TMPO: variants seen among roughly 807,000 people sequenced by gnomAD.
TMPO encodes LEM domain containing 4.
Under a neutral mutation model 45.4 loss-of-function variants are expected in TMPO, and 22 were observed. The ratio of observed to expected loss-of-function variants is 0.48; its 90% CI spans 0.35 to 0.69. TMPO has a LOEUF of 0.69. Among genes scored for constraint, TMPO ranks in the 30% least tolerant of loss-of-function variants. The pLI is 0.01. For synonymous variants in TMPO, 241 were observed against 204.1 expected, an observed-to-expected ratio of 1.18 and a Z score of -1.54; for missense variants, 512 against 548.8, an observed-to-expected ratio of 0.93 and a Z score of 0.67.
chr12:98,516,388 G>A (rs773754340), intron 1 of TMPO: 7 of 1,195,738 alleles, frequency 5.9e-6, no homozygotes, highest in Non-Finnish European at 6.2e-6. Context: ...GTGGAGTTGC[G>A]TTGGCGGCGG....
intron 4 of TMPO, 37 bp downstream of exon 4, chr12:98,537,609 A>T (rs1444378647): frequency 2.0e-6 from 3 of 1,480,802 alleles, no homozygotes; most frequent in Non-Finnish European, 2.8e-6. Flanking sequence ...TACAGGTATA[A>T]ATAACCTCCT....
chr12:98,520,997 G>A (rs190007512), intron 1 of TMPO, among the ~76,000 whole-genome samples: 1 of 151,992 alleles, frequency 6.6e-6, no homozygotes, highest in Non-Finnish European at 1.5e-5. Flanking sequence ...GCAGATAAGG[G>A]AGATTTTTAA....
chr12:98,547,222 C>T (rs112903416), intron 8 of TMPO, among the ~76,000 whole-genome samples: 2,663 of 152,062 alleles, frequency 0.018, 73 homozygotes, highest in African/African-American at 0.059. Flanking sequence ...ATTACAGGCA[C>T]CCACCATCAT....
intron 1 of TMPO, among the ~76,000 whole-genome samples, chr12:98,525,431 C>T (rs1026075954): frequency 4.6e-5 from 7 of 152,114 alleles, no homozygotes; most frequent in Non-Finnish European, 8.8e-5. Context: ...AAGAATTTCT[C>T]ATATCTTGCT....
At chr12:98,545,374 T>C (rs1592956741) in intron 7 of TMPO, among the ~76,000 whole-genome samples, 1 of 152,142 alleles carries the variant, frequency 6.6e-6, no homozygotes, top group East Asian at 1.9e-4. Context: ...AGTTTGAAAG[T>C]GCTGCTGGGC....
intron 1 of TMPO, among the ~76,000 whole-genome samples, chr12:98,526,107 A>T (rs931352583): frequency 6.6e-6 from 1 of 152,208 alleles, no homozygotes; most frequent in Non-Finnish European, 1.5e-5. Context: ...GTAGAAATTA[A>T]TTTTAAAACT....
At chr12:98,528,699 C>G (rs1219889260) in intron 2 of TMPO, among the ~76,000 whole-genome samples, 1 of 151,794 alleles carries the variant, frequency 6.6e-6, no homozygotes, top group Admixed American at 6.6e-5. Context: ...TAGCTCACAC[C>G]TGTAATCCCA....
chr12:98,540,593 G>A (rs1349517993), intron 4 of TMPO, among the ~76,000 whole-genome samples: 2 of 152,146 alleles, frequency 1.3e-5, no homozygotes, highest in Admixed American at 1.3e-4. Context: ...GGTCAGGCAG[G>A]TCTCGAACTC....
chr12:98,516,421 C>T (rs969994029), intron 1 of TMPO: 3 of 1,174,030 alleles, frequency 2.6e-6, no homozygotes, highest in Non-Finnish European at 2.1e-6. Flanking sequence ...CAGTCGACGC[C>T]GCTTCCCTGG....
In TMPO at chr12:98,516,059, C is replaced by T. The variant is rs769376447; in HGVS notation, c.192C>T (p.Asp64=). The T allele has an allele frequency of 5.5e-5, 88 of 1,610,012 alleles. 3 individuals carry two copies. The South Asian group carries it at 9.7e-4, about 18-fold the overall frequency. Residue 64 remains aspartate, a synonymous_variant, in exon 1 of 9, where the codon GAC becomes GAT. Coordinates refer to ENST00000556029, the MANE Select transcript of TMPO (RefSeq NM_001032283.3). ...GCACCAACAGCAAGGGGCCCCCGGACTTCTCCAGTGACGAAGAGCGCGAGC... is the reference window on the plus strand; with the variant it reads ...GCACCAACAGCAAGGGGCCCCCGGATTTCTCCAGTGACGAAGAGCGCGAGC... ...PAGTNSKGPP[D]FSSDEEREPT...
chr12:98,537,486 G>A lies in TMPO; in HGVS notation c.577G>A (p.Glu193Lys). 6.2e-7 allele frequency: 1 copy of A among 1,612,672 alleles called. No individual in the cohort carries two copies. Among genetic ancestry groups the A allele is most frequent in the Non-Finnish European group, 8.5e-7 (1 of 1,179,160 alleles). Residue 193 changes from glutamate to lysine, a missense_variant, in exon 4 of 9, where the codon GAG becomes AAG. Physicochemically the swap from Glu to Lys is moderately conservative, Grantham distance 56. Around this residue, in one of 3 missense-constraint regions of TMPO, gnomAD observed 299 missense variants for 296.7 expected, o/e 1.01. Transcript: ENST00000556029. ...AATGTTATTTCCAGACTCTAAAATA[G>A]AGCTCAAGCTTGAGAAGAGAGAACC... is the stretch of plus-strand genomic sequence containing the variant. Reference protein sequence around the residue: ...YSDNEEDSKIELKLEKREPLK... With the variant: ...YSDNEEDSKIKLKLEKREPLK...
chr12:98,533,515 A>T (rs1237219658), intron 3 of TMPO: 1 of 1,614,098 alleles, frequency 6.2e-7, no homozygotes, highest in South Asian at 1.1e-5. Flanking sequence ...GTTTCAAGAA[A>T]CTGAATTCCT....
At chr12:98,526,570 A>C (rs1027602742) in intron 1 of TMPO, among the ~76,000 whole-genome samples, 3 of 152,156 alleles carry the variant, frequency 2.0e-5, no homozygotes, top group Admixed American at 2.0e-4. Context: ...TGGTTGGTTG[A>C]ATTCACATAT....
At chr12:98,524,593 AAG>A (rs1371148509) in intron 1 of TMPO, among the ~76,000 whole-genome samples, 1 of 151,878 alleles carries the variant, frequency 6.6e-6, no homozygotes, top group African/African-American at 2.4e-5. Flanking sequence ...AAAAAAAAAA[AAG>A]AGTTAAGATT....
At chr12:98,516,343 G>T (rs1875815810) in intron 1 of TMPO, 197 bp downstream of exon 1, 19 of 1,220,798 alleles carry the variant, frequency 1.6e-5, no homozygotes, top group Non-Finnish European at 1.8e-5. Context: ...TGGGGCCGCG[G>T]GGTTCGCGTT....
At chr12:98,535,031 A>G (rs1877485818) in intron 3 of TMPO, 6 of 780,770 alleles carry the variant, frequency 7.7e-6, no homozygotes, top group Non-Finnish European at 9.3e-6. Context: ...CAATGTATTG[A>G]TTTACACTCT....
At position 98,549,934 on chromosome 12, in the gene TMPO, A is replaced by G. The variant is rs183276162; in HGVS notation, c.*2076A>G. On this transcript the variant is annotated 3_prime_UTR_variant, in exon 9 of 9. Transcript: ENST00000556029. ...CCTCTCTGAGTAAAATGTTTCTTTC[A>G]GATGAGCCATAGAGGGGGCACCTTT... 6.6e-6 allele frequency: 1 copy of G among 152,004 alleles called. No individual in the cohort carries two copies. Among genetic ancestry groups the G allele is most frequent in the South Asian group, 2.1e-4 (1 of 4,812 alleles). 9.4% of individuals were successfully genotyped at this position (152,004 alleles called of 1,614,324 possible).
chr12:98,538,167 T>C (rs368643772), intron 4 of TMPO, among the ~76,000 whole-genome samples: 5 of 152,224 alleles, frequency 3.3e-5, no homozygotes, highest in African/African-American at 1.2e-4. Flanking sequence ...AACCTAGTAT[T>C]GTTTACAGAG....
intron 7 of TMPO, among the ~76,000 whole-genome samples, chr12:98,545,828 G>A (rs1293039046): frequency 1.3e-5 from 2 of 152,070 alleles, no homozygotes; most frequent in Non-Finnish European, 2.9e-5. Context: ...CGCCTCCTGG[G>A]TTCAAGCGAT....
Sources: gnomAD v4.1 joint callset for allele counts (sites outside exome capture counted in the v4.1 genomes callset) on GRCh38, gnomAD v4.1.1 for gene constraint, gnomAD v4.1.1 regional missense constraint, MANE v1.5 for transcripts, NCBI Gene and HGNC (gene_info 2026-07-23, HGNC 2026-07-21) for gene names.